The following RAB3C variants were observed in gnomAD, a reference collection of about 807,000 sequenced individuals.
RAB3C encodes ras-related protein Rab-3C.
In RAB3C, 17 loss-of-function variants were observed where a neutral mutation model predicts 26.4. The observed-to-expected ratio is 0.64, with a 90% CI of 0.44 to 0.97. The LOEUF (loss-of-function observed/expected upper bound fraction) is 0.97. Ranked by LOEUF, RAB3C falls within the 50% of genes least tolerant of loss-of-function variation. The pLI is 0.00. For synonymous variants in RAB3C, 91 were observed against 95.9 expected (o/e 0.95, Z 0.30); for missense variants, 242 against 281.9 (o/e 0.86, Z 1.01).
intron 1 of RAB3C, among the ~76,000 whole-genome samples, chr5:58,616,728 T>A (rs1746832495): frequency 6.6e-6 from 1 of 152,170 alleles, no homozygotes; most frequent in Admixed American, 6.5e-5. Context: ...CACACCAATT[T>A]AAAATAACAA....
chr5:58,638,023 T>C lies in RAB3C; in HGVS notation c.252+20153T>C, dbSNP rs142789162. Among the ~76,000 whole-genome samples, 11 of 152,240 alleles carry C rather than the reference T, an allele frequency of 7.2e-5. No individual in the cohort carries two copies. In the East Asian group the frequency reaches 2.1e-3, roughly 29 times the overall value. ...TCTTTTTTCCTGATTATTTTTGTCA[T>C]TATAAATAATGATAATTTTCAATGG... On this transcript the variant is annotated intron_variant, in intron 2 of 4. Coordinates refer to ENST00000282878, the MANE Select transcript of RAB3C (RefSeq NM_138453.4).
chr5:58,643,586 G>T (rs1747455937), intron 2 of RAB3C, among the ~76,000 whole-genome samples: 1 of 152,110 alleles, frequency 6.6e-6, no homozygotes, highest in Non-Finnish European at 1.5e-5. Flanking sequence ...TCAGGCATGA[G>T]AATCATTTGA....
chr5:58,847,398 A>T (rs1744028040), intron 4 of RAB3C, among the ~76,000 whole-genome samples: 1 of 152,206 alleles, frequency 6.6e-6, no homozygotes. Flanking sequence ...TCTGTTTCTG[A>T]AGTATCATTG....
intron 1 of RAB3C, among the ~76,000 whole-genome samples, chr5:58,613,202 T>G (rs895831693): frequency 6.6e-6 from 1 of 152,104 alleles, no homozygotes; most frequent in African/African-American, 2.4e-5. Flanking sequence ...ACACAACAAT[T>G]AAATCCATGA....
chr5:58,596,346 C>T (rs1052289750), intron 1 of RAB3C, among the ~76,000 whole-genome samples: 2 of 151,048 alleles, frequency 1.3e-5, no homozygotes, highest in Admixed American at 6.7e-5. Flanking sequence ...TTTTGTTGAC[C>T]TTTCTTTTCT....
At chr5:58,745,656 T>C (rs544261850) in intron 3 of RAB3C, among the ~76,000 whole-genome samples, 2 of 152,176 alleles carry the variant, frequency 1.3e-5, no homozygotes, top group South Asian at 4.1e-4. Flanking sequence ...GAGGCAGGTA[T>C]TTATTAAATG....
chr5:58,752,472 G>GAA (rs10611772), intron 3 of RAB3C, among the ~76,000 whole-genome samples: 158 of 144,988 alleles, frequency 1.1e-3, no homozygotes, highest in African/African-American at 2.6e-3. Context: ...GTCAATGACA[G>GAA]AAAAAAAAAA....
intron 3 of RAB3C, among the ~76,000 whole-genome samples, chr5:58,755,470 C>G (rs1741634878): frequency 6.6e-6 from 1 of 152,128 alleles, no homozygotes. Context: ...AATCTCATGT[C>G]TGAATACTGA....
chr5:58,771,242 T>C (rs1742024599), intron 3 of RAB3C, among the ~76,000 whole-genome samples: 3 of 151,232 alleles, frequency 2.0e-5, no homozygotes, highest in African/African-American at 7.3e-5. Context: ...AGATGAATAA[T>C]TATGATGAAG....
intron 1 of RAB3C, among the ~76,000 whole-genome samples, chr5:58,601,410 A>G (rs1197185828): frequency 1.3e-5 from 2 of 152,094 alleles, no homozygotes; most frequent in Non-Finnish European, 2.9e-5. Flanking sequence ...AATAGTATCA[A>G]AAGGATTGGT....
At chr5:58,818,781 C>T (rs1743274045) in intron 3 of RAB3C, among the ~76,000 whole-genome samples, 1 of 152,190 alleles carries the variant, frequency 6.6e-6, no homozygotes, top group Admixed American at 6.5e-5. Flanking sequence ...ATAAGACAGT[C>T]TCTCTCATGA....
intron 4 of RAB3C, among the ~76,000 whole-genome samples, chr5:58,836,760 C>T (rs1051535688): frequency 6.6e-6 from 1 of 152,162 alleles, no homozygotes; most frequent in Non-Finnish European, 1.5e-5. Context: ...ATATACACCA[C>T]ATTTTTTAAT....
intron 3 of RAB3C, among the ~76,000 whole-genome samples, chr5:58,770,359 A>G (rs1019751148): frequency 1.3e-5 from 2 of 152,170 alleles, no homozygotes. Context: ...ACAAAATGCA[A>G]CGGGGAAATA....
At position 58,775,369 on chromosome 5, in the gene RAB3C, C is replaced by T. The variant is rs371592875; in HGVS notation, c.371+49249C>T. The stretch of plus-strand genomic sequence containing the variant: ...CAAAGCAAGCCCAACTGTGTCTTGA[C>T]CTATAAAAGTAACACCACGTAAGAA... On this transcript the variant is annotated intron_variant, in intron 3 of 4. Transcript: ENST00000282878. 2.0e-5 allele frequency among the ~76,000 whole-genome samples: 3 copies of T among 152,160 alleles called. No individual in the cohort carries two copies. The East Asian group carries it at 5.8e-4, about 30-fold the overall frequency.
chr5:58,799,652 C>T (rs915747358), intron 3 of RAB3C, among the ~76,000 whole-genome samples: 4 of 152,134 alleles, frequency 2.6e-5, no homozygotes, highest in African/African-American at 7.2e-5. Context: ...CCTCCACACC[C>T]CCACACTCTC....
chr5:58,844,765 T>C (rs375263114), intron 4 of RAB3C, among the ~76,000 whole-genome samples: 15 of 152,296 alleles, frequency 9.8e-5, no homozygotes, highest in African/African-American at 2.9e-4. Flanking sequence ...ATGAAAATAA[T>C]TTATTGCAGT....
rs1272704427 is a variant in RAB3C, at chr5:58,749,778, A to C, written c.371+23658A>C. ...GTTTTCAGTTATTAACTTTGTTATTAATTTTTTTGTTTCAATAACCATGCT... is the reference window on the plus strand; with the variant it reads ...GTTTTCAGTTATTAACTTTGTTATTCATTTTTTTGTTTCAATAACCATGCT... On this transcript the variant is annotated intron_variant, in intron 3 of 4. Coordinates refer to ENST00000282878, the MANE Select transcript of RAB3C (RefSeq NM_138453.4). Among the ~76,000 whole-genome samples, 4 of 152,146 alleles carry C rather than the reference A, an allele frequency of 2.6e-5. 1 individual carries two copies. In the South Asian group the frequency reaches 8.3e-4, roughly 31 times the overall value.
chr5:58,815,097 C>G (rs10061159), intron 3 of RAB3C, among the ~76,000 whole-genome samples: 34,211 of 152,002 alleles, frequency 0.23, 4,241 homozygotes, highest in African/African-American at 0.32. Flanking sequence ...CATATTGAAG[C>G]ATTTTTGGTT....
chr5:58,731,034 G>A (rs1467643941), intron 3 of RAB3C, among the ~76,000 whole-genome samples: 1 of 151,818 alleles, frequency 6.6e-6, no homozygotes, highest in African/African-American at 2.4e-5. Flanking sequence ...AACAACATGG[G>A]AAAAAAACCC....
Sources: gnomAD v4.1 joint callset for allele counts (sites outside exome capture counted in the v4.1 genomes callset) on GRCh38, gnomAD v4.1.1 for gene constraint, MANE v1.5 for transcripts, NCBI Gene and HGNC (gene_info 2026-07-23, HGNC 2026-07-21) for gene names.